The following KIF7 variants were observed in gnomAD, a reference collection of about 807,000 sequenced individuals.
The protein encoded by KIF7 is kinesin-like protein KIF7.
Under a neutral mutation model 135.7 loss-of-function variants are expected in KIF7, and 104 were observed. The ratio of observed to expected loss-of-function variants is 0.77; its 90% CI spans 0.65 to 0.90. The LOEUF (loss-of-function observed/expected upper bound fraction) is 0.90. KIF7 is among the 40% of genes least tolerant of loss of function. The pLI is 0.00. For synonymous variants in KIF7, 883 were observed against 809.4 expected, an observed-to-expected ratio of 1.09 and a Z score of -1.54; for missense variants, 2,005 against 1,839.1, an observed-to-expected ratio of 1.09 and a Z score of -1.65.
chr15:89,645,920 G>C lies in KIF7; in HGVS notation c.1895C>G (p.Pro632Arg), dbSNP rs115857753. The change falls in exon 8 of 19, where the codon CCG becomes CGG. Residue 632 changes from proline to arginine, a missense_variant. By Grantham distance (103) the Pro-to-Arg change is moderately radical (BLOSUM62 -2). Transcript: ENST00000394412. ...GCGCAGGTGTAAGGTCCGCCTGGGCGGCTCCTCCTCCTCCTCTTCCTCCTC... is the reference window on the plus strand; with the variant it reads ...GCGCAGGTGTAAGGTCCGCCTGGGCCGCTCCTCCTCCTCCTCTTCCTCCTC... ...ASEEEEEEEEPPRRTLHLRRN... is the reference protein window; with the variant it reads ...ASEEEEEEEERPRRTLHLRRN... 2.5e-6 allele frequency: 4 copies of C among 1,613,696 alleles called. No individual in the cohort carries two copies. In the East Asian group the frequency reaches 8.9e-5, roughly 36 times the overall value.
chr15:89,630,341 G>A lies in KIF7; in HGVS notation c.3264C>T (p.Leu1088=), dbSNP rs138764398. The change falls in exon 16 of 19, where the codon CTC becomes CTT. Residue 1088 remains leucine (L), a synonymous_variant. Coordinates refer to ENST00000394412, the MANE Select transcript of KIF7 (RefSeq NM_198525.3). ...TGGTCTCTGAGGATGAGAGGTAGCT[G>A]AGCTTGGCCATGAGGTTCATCTCGC... The part of the protein sequence containing the change: ...SQCEMNLMAK[L]SYLSSSETRA... 1.2e-4 allele frequency: 198 copies of A among 1,614,214 alleles called. 1 individual carries two copies. The African/African-American group carries it at 2.1e-3, about 17-fold the overall frequency.
the KIF7 span, among the ~76,000 whole-genome samples, chr15:89,662,956 T>A: frequency 4.6e-5 from 7 of 152,228 alleles, no homozygotes; most frequent in African/African-American, 1.7e-4. Context: ...CTATTCCATA[T>A]GCGGCCTCCA....
In KIF7 at chr15:89,628,318, A is replaced by C; in HGVS notation, c.*101T>G. 1 of 1,451,302 alleles carries C rather than the reference A, an allele frequency of 6.9e-7. No homozygotes were observed. The allele number at this position is 1,451,302 out of a possible 1,614,324, so 89.9% of individuals were successfully genotyped here. ...AGGGTACAGATGAGGGCCTGGATTT[A>C]GGGTGTGCGGTAAGGACTGCCCTTC... On this transcript the variant is annotated 3_prime_UTR_variant, in exon 19 of 19. Transcript: ENST00000394412.
chr15:89,643,809 C>T (rs533461665), intron 10 of KIF7, among the ~76,000 whole-genome samples: 1 of 148,650 alleles, frequency 6.7e-6, no homozygotes, highest in East Asian at 2.0e-4. Flanking sequence ...CACTTGAACT[C>T]GGGAGGCAGA....
At position 89,649,066 on chromosome 15, in the gene KIF7, GCTGTTGAT is replaced by G; in HGVS notation, c.823_830del (p.Ile275GlnfsTer185). On this transcript the variant is annotated frameshift_variant, in exon 4 of 19. Transcript: ENST00000394412. LOFTEE classifies it high-confidence loss of function. ...TGACGTTGCCCAGCGCCAGGAGGCT[GCTGTTGAT>G]CTGGATGCTCTCCTTGAGCCGCTCG... The G allele has an allele frequency of 6.5e-7, 1 of 1,548,010 alleles. No individual in the cohort carries two copies. Among genetic ancestry groups the G allele is most frequent in the Non-Finnish European group, 8.7e-7 (1 of 1,146,728 alleles).
In KIF7 at chr15:89,645,926, T is replaced by G; in HGVS notation, c.1889A>C (p.Glu630Ala). 6.2e-7 allele frequency: 1 copy of G among 1,613,768 alleles called. No individual in the cohort carries two copies. Among genetic ancestry groups the G allele is most frequent in the Non-Finnish European group, 8.5e-7 (1 of 1,179,998 alleles). The change falls in exon 8 of 19, where the codon GAG becomes GCG. Residue 630 changes from glutamate (E) to alanine (A), a missense_variant. Glu to Ala is a moderately radical substitution (Grantham distance 107). Transcript: ENST00000394412. The stretch of plus-strand genomic sequence containing the variant: ...GTGTAAGGTCCGCCTGGGCGGCTCC[T>G]CCTCCTCCTCTTCCTCCTCTGAAGC... ...SAASEEEEEE[E>A]EPPRRTLHLR...
chr15:89,642,075 G>T (rs957791755), intron 11 of KIF7, 128 bp downstream of exon 11: 2 of 970,082 alleles, frequency 2.1e-6, no homozygotes, highest in Non-Finnish European at 1.5e-6. Flanking sequence ...CACCCTGCAG[G>T]GCCAGGGCTG....
chr15:89,653,893 G>C (rs1187296713), intron 1 of KIF7, among the ~76,000 whole-genome samples: 3 of 152,126 alleles, frequency 2.0e-5, no homozygotes, highest in Non-Finnish European at 4.4e-5. Flanking sequence ...CTGCGCCTCA[G>C]AGGCATCTCT....
At chr15:89,625,869 T>C (rs1279099801), downstream of KIF7, 5 of 1,543,592 alleles carry the variant, frequency 3.2e-6, no homozygotes, top group East Asian at 2.3e-5. Flanking sequence ...GAGTTGCTTC[T>C]TGGGAGGCCT....
the KIF7 span, among the ~76,000 whole-genome samples, chr15:89,661,621 A>C: frequency 6.6e-6 from 1 of 152,130 alleles, no homozygotes; most frequent in African/African-American, 2.4e-5. Context: ...CCTCTAGATG[A>C]CCGCACTAGC....
downstream of KIF7, chr15:89,623,735 C>T (rs781221356): frequency 1.8e-5 from 29 of 1,613,970 alleles, no homozygotes; most frequent in Non-Finnish European, 2.2e-5. Flanking sequence ...CAGAAGTCCC[C>T]TGCAAAAATG....
intron 11 of KIF7, among the ~76,000 whole-genome samples, chr15:89,640,816 T>A (rs1369441356): frequency 3.0e-5 from 4 of 133,734 alleles, no homozygotes; most frequent in Non-Finnish European, 4.8e-5. Context: ...TGAAACACTG[T>A]CTCTACTTAA....
At position 89,649,368 on chromosome 15, in the gene KIF7, C is replaced by T. The variant is rs1964085339; in HGVS notation, c.530-1G>A. ...TCGACCTCCTTCACCCCGCACAGCACTGCGGGCACAGAAGGCCGTGAGCCC... is the reference window on the plus strand; with the variant it reads ...TCGACCTCCTTCACCCCGCACAGCATTGCGGGCACAGAAGGCCGTGAGCCC... On this transcript the variant is annotated splice_acceptor_variant, in intron 3 of 18. Transcript: ENST00000394412. LOFTEE classifies it high-confidence loss of function. 6.9e-7 allele frequency: 1 copy of T among 1,451,782 alleles called. No individual in the cohort carries two copies. Among genetic ancestry groups the T allele is most frequent in the Non-Finnish European group, 9.1e-7 (1 of 1,099,842 alleles). 89.9% of individuals were successfully genotyped at this position (1,451,782 alleles called of 1,614,324 possible). A position where few individuals can be genotyped will look rare whatever the true frequency, so the allele number is the denominator to read the frequency against.
upstream of KIF7, among the ~76,000 whole-genome samples, chr15:89,656,862 A>G (rs1964212565): frequency 6.6e-6 from 1 of 152,242 alleles, no homozygotes; most frequent in African/African-American, 2.4e-5. Context: ...GTCCTGAACA[A>G]GAACAACACA....
chr15:89,652,565 C>G, intron 2 of KIF7, 38 bp downstream of exon 2: 1 of 1,447,264 alleles, frequency 6.9e-7, no homozygotes, highest in Non-Finnish European at 9.3e-7. Flanking sequence ...ACTAAGGCTC[C>G]TTAAAGTGGG....
intron 1 of KIF7, chr15:89,619,695 T>A (rs1409932741): frequency 1.3e-6 from 2 of 1,599,882 alleles, no homozygotes; most frequent in Non-Finnish European, 1.7e-6. Flanking sequence ...TTACTGTGGT[T>A]CTGATTTTAC....
downstream of KIF7, chr15:89,623,817 G>A: frequency 6.2e-7 from 1 of 1,613,766 alleles, no homozygotes; most frequent in Non-Finnish European, 8.5e-7. Flanking sequence ...ACTCACCATT[G>A]GATTCAAAAA....
intron 6 of KIF7, 143 bp from the exon 7 acceptor site, chr15:89,647,200 A>G (rs1206770925): frequency 2.8e-6 from 2 of 722,850 alleles, no homozygotes; most frequent in Non-Finnish European, 4.8e-6. Context: ...CTCCCCAACA[A>G]CTCTGTAGGA....
the KIF7 span, among the ~76,000 whole-genome samples, chr15:89,662,904 A>G: frequency 3.8e-3 from 572 of 152,348 alleles, 2 homozygotes; most frequent in African/African-American, 0.013. Context: ...TCTAAGAGCA[A>G]AAAGAAACTT....
Sources: allele counts gnomAD v4.1 joint callset (sites outside exome capture counted in the v4.1 genomes callset), GRCh38; gene constraint gnomAD v4.1.1; transcripts MANE v1.5; gene names NCBI Gene and HGNC (gene_info 2026-07-23, HGNC 2026-07-21).